FANCA: variants seen among roughly 807,000 people sequenced by gnomAD.
FANCA encodes the protein Fanconi anemia group A protein.
A neutral mutation model predicts 194.3 loss-of-function variants in FANCA; 236 were observed. The ratio of observed to expected loss-of-function variants is 1.21; its 90% confidence interval spans 1.09 to 1.35. The LOEUF (loss-of-function observed/expected upper bound fraction) is 1.35. FANCA is among the 40% of genes most tolerant of loss of function. The pLI, the probability that FANCA is intolerant of heterozygous loss-of-function variation, is 0.00. For missense variants in FANCA, 2,628 were observed against 1,813.9 expected, an observed-to-expected ratio of 1.45 and a Z score of -8.15; for synonymous variants, 1,014 against 715.8, an observed-to-expected ratio of 1.42 and a Z score of -6.65.
intron 3 of FANCA, among the ~76,000 whole-genome samples, chr16:89,811,298 A>G (rs1311713558): frequency 6.6e-6 from 1 of 152,238 alleles, no homozygotes; most frequent in Non-Finnish European, 1.5e-5. Context: ...AGAGTTATAC[A>G]TTGGTATTTG....
At position 89,748,526 on chromosome 16, in the gene FANCA, C is replaced by A. The variant is rs905815993; in HGVS notation, c.3348+133G>T. Reference sequence around the variant, plus strand: ...CCTCCCTCACATGGCATTCCAGACACTGTTCCCTATTTGACTTTGAACCCT... The same window carrying A: ...CCTCCCTCACATGGCATTCCAGACAATGTTCCCTATTTGACTTTGAACCCT... On this transcript the variant is annotated intron_variant, in intron 33 of 42. Transcript: ENST00000389301. The A allele has an allele frequency of 4.4e-5, 34 of 774,942 alleles. 1 individual carries two copies. The Admixed American group carries it at 6.8e-4, about 16-fold the overall frequency. 48.0% of individuals were successfully genotyped at this position (774,942 alleles called of 1,614,324 possible).
chr16:89,771,155 C>CAAAAAAAAAAA (rs34471552), intron 23 of FANCA, among the ~76,000 whole-genome samples: 52 of 56,626 alleles, frequency 9.2e-4, no homozygotes, highest in African/African-American at 3.3e-3. Context: ...AAGACTCAGT[C>CAAAAAAAAAAA]AAAAAAAAAA....
At chr16:89,774,627 G>C (rs899001698) in intron 21 of FANCA, among the ~76,000 whole-genome samples, 6 of 150,866 alleles carry the variant, frequency 4.0e-5, no homozygotes, top group East Asian at 2.0e-4. Context: ...CCACTCGGGA[G>C]GCTGAGGCAG....
intron 8 of FANCA, 41 bp downstream of exon 8, chr16:89,803,218 G>T: frequency 6.4e-7 from 1 of 1,563,652 alleles, no homozygotes; most frequent in South Asian, 1.1e-5. Flanking sequence ...GAATAAGGAC[G>T]GCTCCTTCCG....
chr16:89,771,155 C>CAAAAAAAAAAGAAAAAAA, intron 23 of FANCA, among the ~76,000 whole-genome samples: 1 of 56,644 alleles, frequency 1.8e-5, no homozygotes, highest in African/African-American at 7.3e-5. Context: ...AAGACTCAGT[C>CAAAAAAAAAAGAAAAAAA]AAAAAAAAAA....
At position 89,801,210 on chromosome 16, in the gene FANCA, G is replaced by A. The variant is rs150248936; in HGVS notation, c.793-1572C>T. Among the ~76,000 whole-genome samples the A allele has an allele frequency of 7.1e-3, 1,072 of 151,828 alleles. 12 individuals are homozygous for A. Among genetic ancestry groups the A allele is most frequent in the African/African-American group, 0.023 (942 of 41,396 alleles). On this transcript the variant is annotated intron_variant, in intron 8 of 42. Coordinates refer to ENST00000389301, the MANE Select transcript of FANCA (RefSeq NM_000135.4). ...AATAGAAAAACTAGCCGGGAGTGGT[G>A]GTGGGCGCCTGTAGTCCCAGCTATT...
At position 89,805,358 on chromosome 16, in the gene FANCA, A is replaced by G. The variant is rs2040600874; in HGVS notation, c.631T>C (p.Phe211Leu). 3.1e-6 allele frequency: 5 copies of G among 1,613,986 alleles called. No homozygotes were observed. Among genetic ancestry groups the G allele is most frequent in the Non-Finnish European group, 4.2e-6 (5 of 1,179,972 alleles). Residue 211 changes from phenylalanine (F) to leucine (L), a missense_variant, in exon 7 of 43, where the codon TTC becomes CTC. Phe to Leu is a conservative substitution (Grantham distance 22). Transcript: ENST00000389301. ...PDMHAVGSWL[F>L]RNLCCLCEQM... Reference sequence around the variant, plus strand: ...TCACAAAGGCAGCACAGATTCCTGAAGAGCCACGATCCCACAGCATGCATG... The same window carrying G: ...TCACAAAGGCAGCACAGATTCCTGAGGAGCCACGATCCCACAGCATGCATG...
At chr16:89,738,748 T>G (rs558916721) in intron 42 of FANCA, 40 bp from the exon 43 acceptor site, 1 of 1,612,854 alleles carries the variant, frequency 6.2e-7, no homozygotes, top group Admixed American at 1.7e-5. Flanking sequence ...TGCCGCCCAC[T>G]AGGCCTCAGA....
Position 89,740,018 on chromosome 16 carries a change from C to T in FANCA, c.3910G>A (p.Ala1304Thr), listed in dbSNP as rs2062088470. The T allele has an allele frequency of 2.5e-6, 4 of 1,614,142 alleles. No individual in the cohort carries two copies. Among genetic ancestry groups the T allele is most frequent in the Non-Finnish European group, 3.4e-6 (4 of 1,180,002 alleles). ...CLEKRKISWL[A>T]LFQLTESDLR... The stretch of plus-strand genomic sequence containing the variant: ...CCACTCTCTGTCAACTGAAAGAGTG[C>T]CAGCCAGGATATCTTCCTCTTCTCT... Residue 1304 changes from alanine to threonine, a missense_variant, in exon 39 of 43, where the codon GCA becomes ACA. By Grantham distance (58) the Ala-to-Thr change is moderately conservative. Coordinates refer to ENST00000389301, the MANE Select transcript of FANCA (RefSeq NM_000135.4).
intron 38 of FANCA, chr16:89,740,463 C>A: frequency 2.2e-6 from 1 of 456,226 alleles, no homozygotes; most frequent in Non-Finnish European, 4.0e-6. Context: ...GGTGAAACCC[C>A]GTCTCTACTA....
chr16:89,780,050 T>G (rs1359826272), intron 17 of FANCA, 93 bp from the exon 18 acceptor site: 1 of 1,147,144 alleles, frequency 8.7e-7, no homozygotes, highest in African/African-American at 1.5e-5. Flanking sequence ...TGCTTCCTTG[T>G]TGAAAGGCTC....
At position 89,778,795 on chromosome 16, in the gene FANCA, G is replaced by A. The variant is rs748528553; in HGVS notation, c.1826+6C>T. 1.9e-6 allele frequency: 3 copies of A among 1,613,676 alleles called. No homozygotes were observed. The highest frequency in any genetic ancestry group is 2.5e-6 in the Non-Finnish European group (3 of 1,179,670). On this transcript the variant is annotated splice_donor_region_variant and intron_variant, in intron 20 of 42. Transcript: ENST00000389301. ...TAGTCATCCCCTTCTAACCGTTGCT[G>A]CATACCTCTTCAGAGACTCTATAAA... is the stretch of plus-strand genomic sequence containing the variant.
rs12931267 is a variant in FANCA at position 89,752,324 on chromosome 16, C to G, written c.2982-102G>C. ...GGAGCTGAGTGATGGCTGTGCTTCT[C>G]TGACAGTGTGACCCTCACATTAGTC... On this transcript the variant is annotated intron_variant, in intron 30 of 42. Coordinates refer to ENST00000389301, the MANE Select transcript of FANCA (RefSeq NM_000135.4). 0.059 allele frequency: 55,623 copies of G among 936,664 alleles called. 2,301 individuals are homozygous for G. Among genetic ancestry groups the G allele is most frequent in the Non-Finnish European group, 0.08 (45,769 of 571,932 alleles). The allele number at this position is 936,664 out of a possible 1,614,324, so 58.0% of individuals were successfully genotyped here.
chr16:89,760,557 C>T (rs2038918781), intron 29 of FANCA, among the ~76,000 whole-genome samples: 1 of 152,154 alleles, frequency 6.6e-6, no homozygotes, highest in South Asian at 2.1e-4. Flanking sequence ...TGACCACATT[C>T]CCCTCTCCCT....
chr16:89,753,392 A>G (rs530371237), intron 30 of FANCA, among the ~76,000 whole-genome samples: 1 of 152,212 alleles, frequency 6.6e-6, no homozygotes, highest in East Asian at 1.9e-4. Flanking sequence ...TTGTGTCTTT[A>G]TTTCTACACT....
intron 26 of FANCA, 128 bp downstream of exon 26, chr16:89,769,709 A>G (rs1443451357): frequency 8.5e-6 from 9 of 1,059,008 alleles, no homozygotes; most frequent in Non-Finnish European, 1.3e-5. Flanking sequence ...GATATATACC[A>G]AAATGCTAAA....
intron 14 of FANCA, among the ~76,000 whole-genome samples, chr16:89,785,480 G>A (rs975280712): frequency 1.3e-5 from 2 of 152,130 alleles, no homozygotes; most frequent in Non-Finnish European, 1.5e-5. Context: ...AGGAACACAG[G>A]CCAAGGAGGG....
chr16:89,741,982 T>C (rs1431697286), intron 37 of FANCA, among the ~76,000 whole-genome samples: 1 of 151,978 alleles, frequency 6.6e-6, no homozygotes, highest in Non-Finnish European at 1.5e-5. Context: ...ATTTTTTTTT[T>C]TTGAGACAAG....
chr16:89,808,681 A>C (rs2040757989), intron 5 of FANCA, among the ~76,000 whole-genome samples: 1 of 152,134 alleles, frequency 6.6e-6, no homozygotes, highest in South Asian at 2.1e-4. Flanking sequence ...AGTATTACAC[A>C]CACTGACATG....
Sources: gnomAD v4.1 joint callset for allele counts (sites outside exome capture counted in the v4.1 genomes callset) on GRCh38, gnomAD v4.1.1 for gene constraint, MANE v1.5 for transcripts, NCBI Gene and HGNC (gene_info 2026-07-23, HGNC 2026-07-21) for gene names.